LINGO2: variants seen among roughly 807,000 people sequenced by gnomAD.
The protein encoded by LINGO2 is leucine-rich repeat and immunoglobulin-like domain-containing nogo receptor-interacting protein 2.
Under a neutral mutation model 30.6 loss-of-function variants are expected in LINGO2, and 14 were observed. That is an observed-to-expected ratio of 0.46 (90% CI 0.30 to 0.72). The LOEUF is 0.72. Among genes scored for constraint, LINGO2 ranks in the 30% least tolerant of loss-of-function variants. LINGO2 has a pLI of 0.07. For synonymous variants in LINGO2, 317 were observed against 288.5 expected (o/e 1.10, Z -1.00); for missense variants, 729 against 751.7 (o/e 0.97, Z 0.35).
intron 1 of LINGO2, among the ~76,000 whole-genome samples, chr9:28,507,414 A>G (rs1820196325): frequency 6.6e-6 from 1 of 152,086 alleles, no homozygotes; most frequent in Non-Finnish European, 1.5e-5. Context: ...CAAAGCATTC[A>G]TGCTCAGTGG....
At chr9:28,088,398 G>A (rs985357147) in intron 4 of LINGO2, among the ~76,000 whole-genome samples, 1 of 151,994 alleles carries the variant, frequency 6.6e-6, no homozygotes, top group Admixed American at 6.6e-5. Context: ...TTCATTGCCA[G>A]ACTACCCTGA....
the LINGO2 span, among the ~76,000 whole-genome samples, chr9:29,067,710 C>T: frequency 6.7e-6 from 1 of 149,372 alleles, no homozygotes; most frequent in Admixed American, 6.7e-5. Context: ...AGTACAATTC[C>T]TACCATATAA....
the LINGO2 span, among the ~76,000 whole-genome samples, chr9:28,882,157 T>C: frequency 1.3e-5 from 2 of 152,226 alleles, no homozygotes; most frequent in African/African-American, 2.4e-5. Context: ...CTAATTTCCT[T>C]GAATCACAGA....
At chr9:28,028,902 C>T (rs974553877) in intron 4 of LINGO2, among the ~76,000 whole-genome samples, 13 of 152,054 alleles carry the variant, frequency 8.5e-5, no homozygotes, top group Non-Finnish European at 1.9e-4. Context: ...CAAATTTTAC[C>T]TCTTCTGAGC....
the LINGO2 span, among the ~76,000 whole-genome samples, chr9:29,033,703 TA>T: frequency 9.5e-5 from 14 of 147,498 alleles, no homozygotes; most frequent in African/African-American, 1.2e-4. Context: ...AAGATGCCAC[TA>T]AAAAAAAAAT....
the LINGO2 span, among the ~76,000 whole-genome samples, chr9:29,057,438 CTAGT>C: frequency 6.6e-6 from 1 of 152,052 alleles, no homozygotes; most frequent in Non-Finnish European, 1.5e-5. Flanking sequence ...TTGGCTCATG[CTAGT>C]TAATGACTTT....
At chr9:28,609,161 T>G (rs1018036405) in intron 1 of LINGO2, among the ~76,000 whole-genome samples, 9 of 151,716 alleles carry the variant, frequency 5.9e-5, no homozygotes, top group Non-Finnish European at 8.8e-5. Flanking sequence ...AAAGAGTTTT[T>G]TTTTTTTTTT....
intron 4 of LINGO2, among the ~76,000 whole-genome samples, chr9:28,173,605 T>A: frequency 6.6e-6 from 1 of 152,226 alleles, no homozygotes; most frequent in East Asian, 1.9e-4. Context: ...CATTGCCATT[T>A]GAACTTTTGG....
chr9:28,277,446 C>T (rs554827086), intron 4 of LINGO2, among the ~76,000 whole-genome samples: 3 of 152,106 alleles, frequency 2.0e-5, no homozygotes, highest in Admixed American at 6.6e-5. Context: ...CAATTAGTAA[C>T]TCTATACTGC....
the LINGO2 span, among the ~76,000 whole-genome samples, chr9:28,995,911 C>G: frequency 1.7e-5 from 2 of 118,798 alleles, no homozygotes; most frequent in Admixed American, 8.6e-5. Context: ...AGGAGATATA[C>G]CTAATGCTAA....
chr9:27,938,410 G>A, the LINGO2 span: 1 of 152,102 alleles, frequency 6.6e-6, no homozygotes, highest in Non-Finnish European at 1.5e-5. Context: ...TGCTTTTCAT[G>A]GTAAGCCTCA....
At chr9:28,109,088 A>G (rs1267161113) in intron 4 of LINGO2, among the ~76,000 whole-genome samples, 1 of 152,358 alleles carries the variant, frequency 6.6e-6, no homozygotes, top group East Asian at 1.9e-4. Flanking sequence ...AGGCTGGTTC[A>G]ACATATGCAA....
At chr9:27,942,653 A>T in the LINGO2 span, 2 of 152,144 alleles carry the variant, frequency 1.3e-5, no homozygotes, top group Non-Finnish European at 2.9e-5. Flanking sequence ...TTAACTTTCA[A>T]TCATGGGATA....
the LINGO2 span, among the ~76,000 whole-genome samples, chr9:29,057,266 G>A: frequency 6.6e-6 from 1 of 151,982 alleles, no homozygotes; most frequent in Non-Finnish European, 1.5e-5. Flanking sequence ...CTAAAATTAT[G>A]TATTAAAATA....
At position 28,078,001 on chromosome 9, in the gene LINGO2, G is replaced by A. The variant is rs1051894041; in HGVS notation, c.-86-65596C>T. On this transcript the variant is annotated intron_variant, in intron 4 of 5. Transcript: ENST00000379992. ...TAATCTGTCTGCCATATGTGTTATG[G>A]TTAAGTGGTGGTTTAACATATCTTT... 2.0e-5 allele frequency among the ~76,000 whole-genome samples: 3 copies of A among 149,212 alleles called. 1 individual carries two copies. Among genetic ancestry groups the A allele is most frequent in the African/African-American group, 7.8e-5 (3 of 38,594 alleles).
intron 4 of LINGO2, among the ~76,000 whole-genome samples, chr9:28,150,532 C>T (rs542765802): frequency 1.1e-4 from 16 of 152,124 alleles, no homozygotes; most frequent in Admixed American, 2.6e-4. Context: ...TGCAGTGAGC[C>T]GAGATCGCAC....
At chr9:28,038,357 A>G (rs898865457) in intron 4 of LINGO2, among the ~76,000 whole-genome samples, 14 of 152,180 alleles carry the variant, frequency 9.2e-5, no homozygotes, top group African/African-American at 3.1e-4. Context: ...ATTATACAAC[A>G]TTATAGAGAC....
the LINGO2 span, among the ~76,000 whole-genome samples, chr9:28,873,187 G>A: frequency 6.6e-6 from 1 of 151,800 alleles, no homozygotes; most frequent in Admixed American, 6.6e-5. Context: ...TGGCCAGCAT[G>A]GTGAAACCTC....
At chr9:27,973,668 G>A (rs1276415137) in intron 5 of LINGO2, among the ~76,000 whole-genome samples, 1 of 152,164 alleles carries the variant, frequency 6.6e-6, no homozygotes, top group African/African-American at 2.4e-5. Context: ...CAGCCTTTGG[G>A]TTTTCAGATA....
Sources: gnomAD v4.1 joint callset for allele counts (sites outside exome capture counted in the v4.1 genomes callset) on GRCh38, gnomAD v4.1.1 for gene constraint, MANE v1.5 for transcripts, NCBI Gene and HGNC (gene_info 2026-07-23, HGNC 2026-07-21) for gene names.